MTDH: variants seen among roughly 807,000 people sequenced by gnomAD.
MTDH encodes the protein metadherin, also known as protein LYRIC.
A neutral mutation model predicts 72.7 loss-of-function variants in MTDH; 34 were observed. That is an observed-to-expected ratio of 0.47 (90% CI 0.36 to 0.62). The LOEUF (loss-of-function observed/expected upper bound fraction) is 0.62. Among genes scored for constraint, MTDH ranks in the 20% least tolerant of loss-of-function variants. The pLI is 0.00. For synonymous variants in MTDH, 266 were observed against 268.9 expected (o/e 0.99, Z 0.10); for missense variants, 677 against 699.4 (o/e 0.97, Z 0.36).
chr8:97,723,836 C>T (rs553900469), intron 11 of MTDH, among the ~76,000 whole-genome samples: 5 of 149,748 alleles, frequency 3.3e-5, no homozygotes, highest in South Asian at 4.3e-4. Context: ...GGCTGGGTGC[C>T]GTGCCTCACA....
intron 1 of MTDH, among the ~76,000 whole-genome samples, chr8:97,645,831 A>G (rs1311086557): frequency 6.6e-6 from 1 of 152,226 alleles, no homozygotes; most frequent in African/African-American, 2.4e-5. Context: ...AATTGAGACT[A>G]TGGAGGGTAT....
Position 97,699,824 on chromosome 8 carries a change from C to T in MTDH, c.1119C>T (p.Pro373=). ...DYQWDVSRNQ[P]YIDDEWSGLN... The stretch of plus-strand genomic sequence containing the variant: ...AGTGGGATGTTAGCCGTAATCAACC[C>T]TATATCGATGATGAATGGTCTGGGT... The change falls in exon 7 of 12, where the codon CCC becomes CCT. Residue 373 remains proline, a synonymous_variant. Coordinates refer to ENST00000336273, the MANE Select transcript of MTDH (RefSeq NM_178812.4). 1.2e-6 allele frequency: 2 copies of T among 1,612,676 alleles called. No homozygotes were observed. The highest frequency in any genetic ancestry group is 1.7e-6 in the Non-Finnish European group (2 of 1,178,938).
At position 97,686,747 on chromosome 8, in the gene MTDH, A is replaced by T; in HGVS notation, c.563A>T (p.Asp188Val). The change falls in exon 3 of 12, where the codon GAT (aspartate) becomes GTT (valine). Residue 188 changes from aspartate to valine, a missense_variant. By Grantham distance (152) the Asp-to-Val change is radical. This residue lies in a region of MTDH where 467 missense variants were observed against 469.1 expected (regional missense o/e 1.00). Coordinates refer to ENST00000336273, the MANE Select transcript of MTDH (RefSeq NM_178812.4). ...NSSRHDGKEV[D>V]EGAWETKISH... The stretch of plus-strand genomic sequence containing the variant: ...TCACGCCATGATGGAAAGGAAGTTG[A>T]TGAAGGTACTTGAGCAAGGGAAAGG... 6.3e-7 allele frequency: 1 copy of T among 1,596,108 alleles called. No individual in the cohort carries two copies. The highest frequency in any genetic ancestry group is 8.5e-7 in the Non-Finnish European group (1 of 1,171,758).
intron 1 of MTDH, among the ~76,000 whole-genome samples, 161 bp from the exon 2 acceptor site, chr8:97,660,911 G>GTA (rs35824023): frequency 1.1e-4 from 17 of 151,216 alleles, no homozygotes; most frequent in African/African-American, 4.1e-4. Context: ...AAACACTAGG[G>GTA]ATAATCTATC....
intron 7 of MTDH, among the ~76,000 whole-genome samples, chr8:97,701,939 A>C (rs1237764909): frequency 6.6e-6 from 1 of 152,182 alleles, no homozygotes; most frequent in Non-Finnish European, 1.5e-5. Flanking sequence ...CTGTATTGGC[A>C]GTCTTTTTAA....
chr8:97,710,411 C>A (rs984767030), intron 8 of MTDH, among the ~76,000 whole-genome samples: 5 of 152,162 alleles, frequency 3.3e-5, no homozygotes, highest in African/African-American at 1.2e-4. Flanking sequence ...AAATTGAGGC[C>A]AGGCGTGATG....
intron 1 of MTDH, 42 bp downstream of exon 1, chr8:97,644,929 G>T (rs1267522957): frequency 6.7e-7 from 1 of 1,488,840 alleles, no homozygotes; most frequent in South Asian, 1.4e-5. Context: ...GGCGAAGGGC[G>T]GGCGTGGAGA....
At chr8:97,692,987 C>T (rs543550666) in intron 6 of MTDH, among the ~76,000 whole-genome samples, 2 of 152,290 alleles carry the variant, frequency 1.3e-5, no homozygotes, top group East Asian at 3.9e-4. Context: ...CTACCCCAGC[C>T]TCCCAAAGTG....
Position 97,690,944 on chromosome 8 carries a change from T to C in MTDH, c.812-8T>C, listed in dbSNP as rs763779716. The C allele has an allele frequency of 3.8e-6, 6 of 1,583,074 alleles. No homozygotes were observed. The highest frequency in any genetic ancestry group is 5.1e-6 in the Non-Finnish European group (6 of 1,165,116). ...CTGTTTTTTAATATTCATTTTCTTT[T>C]CTTTAAGTTTCTTCAGGATTGAATG... is the stretch of plus-strand genomic sequence containing the variant. On this transcript the variant is annotated splice_region_variant and splice_polypyrimidine_tract_variant and intron_variant, in intron 5 of 11. Coordinates refer to ENST00000336273, the MANE Select transcript of MTDH (RefSeq NM_178812.4).
At chr8:97,674,299 T>C (rs1490705930) in intron 2 of MTDH, among the ~76,000 whole-genome samples, 1 of 152,238 alleles carries the variant, frequency 6.6e-6, no homozygotes, top group Non-Finnish European at 1.5e-5. Context: ...TAACCTTGAA[T>C]CTCCTTTAAG....
intron 2 of MTDH, among the ~76,000 whole-genome samples, chr8:97,671,712 A>G (rs1384118817): frequency 1.3e-5 from 2 of 152,064 alleles, no homozygotes; most frequent in East Asian, 3.9e-4. Context: ...GCATGGTGGT[A>G]CGTGCCTGTA....
chr8:97,674,094 T>C (rs944993404), intron 2 of MTDH, among the ~76,000 whole-genome samples: 7 of 152,186 alleles, frequency 4.6e-5, no homozygotes, highest in Non-Finnish European at 1.5e-5. Context: ...AGTTTGGGAC[T>C]GTAGCAAGCT....
At chr8:97,720,393 A>T (rs1412452556) in intron 10 of MTDH, among the ~76,000 whole-genome samples, 1 of 152,070 alleles carries the variant, frequency 6.6e-6, no homozygotes, top group Non-Finnish European at 1.5e-5. Context: ...CCTGGGCAAC[A>T]TGGCTAGACT....
At chr8:97,687,142 A>C (rs1255605209) in intron 3 of MTDH, among the ~76,000 whole-genome samples, 1 of 152,078 alleles carries the variant, frequency 6.6e-6, no homozygotes, top group African/African-American at 2.4e-5. Flanking sequence ...CTACCTAGCA[A>C]GATAAAAAAA....
chr8:97,645,900 T>C (rs1287501703), intron 1 of MTDH, among the ~76,000 whole-genome samples: 1 of 152,212 alleles, frequency 6.6e-6, no homozygotes, highest in African/African-American at 2.4e-5. Flanking sequence ...GATCTTCACC[T>C]TTTCAGTACA....
chr8:97,690,389 T>A (rs1813550905), intron 5 of MTDH, among the ~76,000 whole-genome samples: 1 of 152,128 alleles, frequency 6.6e-6, no homozygotes, highest in Non-Finnish European at 1.5e-5. Context: ...CAGGAAGCTG[T>A]AAAAAACAAC....
chr8:97,725,887 C>T lies in MTDH; in HGVS notation c.*1217C>T, dbSNP rs573967517. 10 of 152,648 alleles carry T rather than the reference C, an allele frequency of 6.6e-5. No homozygotes were observed. In the East Asian group the frequency reaches 1.9e-3, roughly 29 times the overall value. 9.5% of individuals were successfully genotyped at this position (152,648 alleles called of 1,614,324 possible). A position where few individuals can be genotyped will look rare whatever the true frequency, so the allele number is the denominator to read the frequency against. On this transcript the variant is annotated 3_prime_UTR_variant, in exon 12 of 12. Coordinates refer to ENST00000336273, the MANE Select transcript of MTDH (RefSeq NM_178812.4). ...AATAGTGCATGCTCAGCCATGTACA[C>T]TGTAAATAGCCTTTACCAAACGTGT...
chr8:97,660,880 ATT>A (rs10553943), intron 1 of MTDH, among the ~76,000 whole-genome samples, 190 bp from the exon 2 acceptor site: 14,016 of 141,086 alleles, frequency 0.099, 885 homozygotes, highest in East Asian at 0.28. Context: ...TTGCTTATGA[ATT>A]TTATATATAT....
At chr8:97,645,441 C>A (rs1319757999) in intron 1 of MTDH, among the ~76,000 whole-genome samples, 1 of 152,126 alleles carries the variant, frequency 6.6e-6, no homozygotes, top group South Asian at 2.1e-4. Context: ...AAATGGTTGC[C>A]CATTCTTGTT....
Sources: gnomAD v4.1 joint callset for allele counts (sites outside exome capture counted in the v4.1 genomes callset) on GRCh38, gnomAD v4.1.1 for gene constraint, gnomAD v4.1.1 regional missense constraint, MANE v1.5 for transcripts, NCBI Gene and HGNC (gene_info 2026-07-23, HGNC 2026-07-21) for gene names.